Variants in VWA3B observed in about 807,000 individuals in gnomAD.
VWA3B encodes von Willebrand factor A domain-containing protein 3B.
In VWA3B, 138 loss-of-function variants were observed where a neutral mutation model predicts 158.3. That is an observed-to-expected ratio of 0.87 (90% CI 0.76 to 1.00). The LOEUF (loss-of-function observed/expected upper bound fraction) is 1.00. Among genes scored for constraint, VWA3B ranks in the 50% least tolerant of loss-of-function variants. The pLI is 0.00. For synonymous variants in VWA3B, 596 were observed against 587.3 expected, an observed-to-expected ratio of 1.01 and a Z score of -0.21; for missense variants, 1,555 against 1,565.1, an observed-to-expected ratio of 0.99 and a Z score of 0.11.
chr2:98,097,879 T>A (rs1682819123), intron 2 of VWA3B, among the ~76,000 whole-genome samples: 1 of 152,182 alleles, frequency 6.6e-6, no homozygotes, highest in South Asian at 2.1e-4. Context: ...CATTTTTTCA[T>A]ATGTTTGTTG....
chr2:98,207,083 A>C, intron 12 of VWA3B: 1 of 515,234 alleles, frequency 1.9e-6, no homozygotes, highest in Non-Finnish European at 3.9e-6. Flanking sequence ...CACTTCACCC[A>C]TGCTGGCTCA....
chr2:98,096,194 G>C (rs1443692991), intron 2 of VWA3B, among the ~76,000 whole-genome samples: 1 of 151,970 alleles, frequency 6.6e-6, no homozygotes, highest in Non-Finnish European at 1.5e-5. Context: ...GAGAAGAATT[G>C]GTATTAGTTC....
chr2:98,181,616 T>A (rs1421727080), intron 9 of VWA3B, among the ~76,000 whole-genome samples: 1 of 152,206 alleles, frequency 6.6e-6, no homozygotes, highest in Non-Finnish European at 1.5e-5. Context: ...CCCTCATTAT[T>A]CCAGTGACTA....
chr2:98,164,449 C>T (rs796576472), intron 8 of VWA3B, among the ~76,000 whole-genome samples: 5 of 152,188 alleles, frequency 3.3e-5, no homozygotes, highest in African/African-American at 9.6e-5. Context: ...CAGGTGCTGC[C>T]CTGAGGGGTA....
intron 7 of VWA3B, among the ~76,000 whole-genome samples, chr2:98,148,542 AAT>A (rs1416254282): frequency 6.6e-6 from 1 of 152,192 alleles, no homozygotes; most frequent in Non-Finnish European, 1.5e-5. Context: ...CAGTAACTGT[AAT>A]CTATAAATCC....
At chr2:98,253,472 G>A (rs560981744) in intron 20 of VWA3B, among the ~76,000 whole-genome samples, 3 of 152,148 alleles carry the variant, frequency 2.0e-5, no homozygotes, top group African/African-American at 4.8e-5. Flanking sequence ...GTGTGTCTGA[G>A]TATAAGCTTT....
intron 22 of VWA3B, among the ~76,000 whole-genome samples, chr2:98,271,349 T>C (rs1688188454): frequency 6.6e-6 from 1 of 152,208 alleles, no homozygotes; most frequent in African/African-American, 2.4e-5. Context: ...CCATAAGTGT[T>C]AGCAATTTTT....
At chr2:98,162,494 T>G (rs1243939270) in intron 7 of VWA3B, among the ~76,000 whole-genome samples, 1 of 152,204 alleles carries the variant, frequency 6.6e-6, no homozygotes, top group Admixed American at 6.5e-5. Flanking sequence ...CAACATTCCA[T>G]TGCATTTCCC....
chr2:98,169,709 G>T (rs1679412046), intron 8 of VWA3B, among the ~76,000 whole-genome samples: 1 of 144,242 alleles, frequency 6.9e-6, no homozygotes, highest in Non-Finnish European at 1.5e-5. Context: ...GACACACCTG[G>T]GCATTCTGTG....
intron 22 of VWA3B, among the ~76,000 whole-genome samples, chr2:98,277,960 C>CTT (rs879896181): frequency 1.4e-5 from 2 of 147,618 alleles, no homozygotes; most frequent in African/African-American, 2.5e-5. Context: ...TCAATTGTAA[C>CTT]TTTTTTTTTT....
intron 6 of VWA3B, 95 bp downstream of exon 6, chr2:98,128,503 T>G: frequency 1.5e-6 from 2 of 1,295,126 alleles, no homozygotes. Flanking sequence ...CTTTAACCAA[T>G]CTGTTGCTGT....
At chr2:98,268,845 G>GT (rs937604680) in intron 21 of VWA3B, among the ~76,000 whole-genome samples, 2 of 152,050 alleles carry the variant, frequency 1.3e-5, no homozygotes, top group Non-Finnish European at 2.9e-5. Context: ...ACTTTGGAGC[G>GT]TAAGTCAAAT....
intron 19 of VWA3B, 167 bp downstream of exon 19, chr2:98,236,897 T>C: frequency 1.1e-5 from 11 of 995,386 alleles, no homozygotes; most frequent in Non-Finnish European, 1.6e-5. Flanking sequence ...TTTAAGAATT[T>C]GGGCGCGGTG....
chr2:98,094,571 G>A (rs1200400121), intron 2 of VWA3B, among the ~76,000 whole-genome samples: 2 of 151,934 alleles, frequency 1.3e-5, no homozygotes, highest in Non-Finnish European at 2.9e-5. Flanking sequence ...ATTTCTGTAG[G>A]TTGTCTCTTT....
At chr2:98,212,861 G>A (rs890745513) in intron 13 of VWA3B, among the ~76,000 whole-genome samples, 1 of 152,040 alleles carries the variant, frequency 6.6e-6, no homozygotes, top group Non-Finnish European at 1.5e-5. Flanking sequence ...GCAGTTCATC[G>A]TGTCTCTCTT....
Position 98,133,831 on chromosome 2 carries a change from G to A in VWA3B, c.880G>A (p.Ala294Thr), listed in dbSNP as rs1248816297. The change falls in exon 7 of 28, where the codon GCA (alanine) becomes ACA (threonine). Residue 294 changes from alanine to threonine, a missense_variant. Transcript: ENST00000477737. ...CATCTCTTCACGTTTCAGATTCCAC[G>A]CATTTGCCGAGAGAACAGAGTGTGT... ...LSAKTHSRFH[A>T]FAERTECVEF... 3.1e-6 allele frequency: 5 copies of A among 1,613,862 alleles called. No individual in the cohort carries two copies. Among genetic ancestry groups the A allele is most frequent in the African/African-American group, 2.7e-5 (2 of 74,872 alleles).
chr2:98,131,234 C>T (rs947324472), intron 6 of VWA3B, among the ~76,000 whole-genome samples: 24 of 152,162 alleles, frequency 1.6e-4, no homozygotes, highest in African/African-American at 4.8e-4. Flanking sequence ...GCTTATTTCC[C>T]GTAATATAAT....
At chr2:98,292,825 G>A (rs954969656) in intron 23 of VWA3B, among the ~76,000 whole-genome samples, 18 of 151,920 alleles carry the variant, frequency 1.2e-4, no homozygotes, top group African/African-American at 2.9e-4. Flanking sequence ...TTAGCCGGAC[G>A]TGGTGGCGGG....
intron 8 of VWA3B, among the ~76,000 whole-genome samples, chr2:98,180,709 C>T (rs1232795165): frequency 6.6e-6 from 1 of 152,242 alleles, no homozygotes; most frequent in African/African-American, 2.4e-5. Context: ...GACACACAGC[C>T]TTGGTCTACT....
Sources: gnomAD v4.1 joint callset for allele counts (sites outside exome capture counted in the v4.1 genomes callset) on GRCh38, gnomAD v4.1.1 for gene constraint, MANE v1.5 for transcripts, NCBI Gene and HGNC (gene_info 2026-07-23, HGNC 2026-07-21) for gene names.